SETBP1: variants seen among roughly 807,000 people sequenced by gnomAD.
SETBP1 encodes SET-binding protein.
A neutral mutation model predicts 101.0 loss-of-function variants in SETBP1; 9 were observed. That is an observed-to-expected ratio of 0.09 (90% confidence interval 0.05 to 0.16). The LOEUF (loss-of-function observed/expected upper bound fraction) is 0.16, where lower values mean the gene tolerates loss of function less well. Among genes scored for constraint, SETBP1 ranks in the 10% least tolerant of loss-of-function variants. The pLI is 1.00. For missense variants in SETBP1, 1,858 were observed against 2,033.8 expected, an observed-to-expected ratio of 0.91 and a Z score of 1.66; for synonymous variants, 818 against 788.5, an observed-to-expected ratio of 1.04 and a Z score of -0.63.
At chr18:44,798,629 C>G (rs182797164) in intron 2 of SETBP1, among the ~76,000 whole-genome samples, 32 of 152,278 alleles carry the variant, frequency 2.1e-4, no homozygotes, top group Admixed American at 1.8e-3. Flanking sequence ...TTTCCGGCAA[C>G]AGGGGCTTTC....
chr18:44,895,596 T>C (rs924833341), intron 3 of SETBP1, among the ~76,000 whole-genome samples: 1 of 152,058 alleles, frequency 6.6e-6, no homozygotes, highest in Non-Finnish European at 1.5e-5. Flanking sequence ...GAGCAGGAAG[T>C]TGGACTCACA....
chr18:44,779,910 G>A lies in SETBP1; in HGVS notation c.486+78078G>A, dbSNP rs577375169. Among the ~76,000 whole-genome samples the A allele has an allele frequency of 9.6e-4, 145 of 150,620 alleles. 1 individual carries two copies. The highest frequency in any genetic ancestry group is 3.3e-3 in the African/African-American group (135 of 40,996). On this transcript the variant is annotated intron_variant, in intron 2 of 5. Coordinates refer to ENST00000649279, the MANE Select transcript of SETBP1 (RefSeq NM_015559.3). ...CTAATAAAGTTTAAATTGCAGCCCC[G>A]AACACACACACACACACACGCACGC...
At position 44,747,702 on chromosome 18, in the gene SETBP1, G is replaced by A. The variant is rs148621913; in HGVS notation, c.486+45870G>A. 1.1e-4 allele frequency among the ~76,000 whole-genome samples: 17 copies of A among 152,378 alleles called. No individual in the cohort carries two copies. The East Asian group carries it at 3.3e-3, about 29-fold the overall frequency. ...TCAGTTATTCAGAATGTTAAGAGGTGTTAGAGGTCAAAAAAATTCTCTGAG... is the reference window on the plus strand; with the variant it reads ...TCAGTTATTCAGAATGTTAAGAGGTATTAGAGGTCAAAAAAATTCTCTGAG... On this transcript the variant is annotated intron_variant, in intron 2 of 5. Transcript: ENST00000649279.
chr18:44,757,491 C>T (rs2070525231), intron 2 of SETBP1, among the ~76,000 whole-genome samples: 1 of 152,116 alleles, frequency 6.6e-6, no homozygotes, highest in Non-Finnish European at 1.5e-5. Context: ...TTATATATGC[C>T]TGAATTTGAG....
At chr18:44,938,027 C>G (rs2071002380) in intron 3 of SETBP1, among the ~76,000 whole-genome samples, 1 of 152,218 alleles carries the variant, frequency 6.6e-6, no homozygotes, top group Admixed American at 6.5e-5. Flanking sequence ...AAGTCCTGAT[C>G]TGTGCTGACA....
rs111696314 is a variant in SETBP1, at chr18:44,728,336, C to T, written c.486+26504C>T. Among the ~76,000 whole-genome samples the T allele has an allele frequency of 3.5e-3, 537 of 152,278 alleles. 3 individuals are homozygous for T. The highest frequency in any genetic ancestry group is 4.2e-3 in the Non-Finnish European group (287 of 68,026). On this transcript the variant is annotated intron_variant, in intron 2 of 5. Transcript: ENST00000649279. ...CATTTCCCTGGACATGATCACGTCTCCCTGTGCTAAGTTTATTTGCAATCT... is the reference window on the plus strand; with the variant it reads ...CATTTCCCTGGACATGATCACGTCTTCCTGTGCTAAGTTTATTTGCAATCT...
At position 44,952,331 on chromosome 18, in the gene SETBP1, A is replaced by C; in HGVS notation, c.2991A>C (p.Pro997=). ...ATTTTGATCACTATTACCCGGTGCC[A>C]TATATCCAGTATGACCCGTTGCTCT... ...RINFDHYYPV[P]YIQYDPLLYL... Residue 997 remains proline (P), a synonymous_variant, in exon 4 of 6, where the codon CCA becomes CCC. Coordinates refer to ENST00000649279, the MANE Select transcript of SETBP1 (RefSeq NM_015559.3). 1 of 1,614,128 alleles carries C rather than the reference A, an allele frequency of 6.2e-7. No individual in the cohort carries two copies. Among genetic ancestry groups the C allele is most frequent in the Non-Finnish European group, 8.5e-7 (1 of 1,180,028 alleles).
rs562653670 is a variant in SETBP1 at position 44,840,602 on chromosome 18, A to T, written c.487-28628A>T. Among the ~76,000 whole-genome samples, 8 of 152,350 alleles carry T rather than the reference A, an allele frequency of 5.3e-5. No individual in the cohort carries two copies. In the South Asian group the frequency reaches 1.7e-3, roughly 32 times the overall value. On this transcript the variant is annotated intron_variant, in intron 2 of 5. Transcript: ENST00000649279. Reference sequence around the variant, plus strand: ...AGATTTCACCAGCTGGAGTAAAGAAACTGTCTTTGGCTCTCCTGGACAGTG... The same window carrying T: ...AGATTTCACCAGCTGGAGTAAAGAATCTGTCTTTGGCTCTCCTGGACAGTG...
intron 5 of SETBP1, among the ~76,000 whole-genome samples, chr18:45,060,988 G>T (rs1283121716): frequency 4.6e-5 from 7 of 152,054 alleles, no homozygotes; most frequent in Admixed American, 4.6e-4. Context: ...ATTCTTTCAT[G>T]CTATTTTATA....
chr18:44,750,130 A>G (rs927351893), intron 2 of SETBP1, among the ~76,000 whole-genome samples: 4 of 152,252 alleles, frequency 2.6e-5, no homozygotes, highest in Admixed American at 6.5e-5. Context: ...TGATAGGAGA[A>G]GTAAAATACT....
At chr18:44,898,820 G>A (rs541961169) in intron 3 of SETBP1, among the ~76,000 whole-genome samples, 2 of 152,196 alleles carry the variant, frequency 1.3e-5, no homozygotes, top group Non-Finnish European at 2.9e-5. Flanking sequence ...TGTAATTAAA[G>A]GAAGTGATTG....
At chr18:44,813,626 A>G (rs564895433) in intron 2 of SETBP1, among the ~76,000 whole-genome samples, 1 of 152,342 alleles carries the variant, frequency 6.6e-6, no homozygotes, top group African/African-American at 2.4e-5. Flanking sequence ...TTTTGCCATC[A>G]TTAAAAAGGG....
intron 2 of SETBP1, among the ~76,000 whole-genome samples, chr18:44,809,678 C>T (rs1194606219): frequency 6.6e-6 from 1 of 152,080 alleles, no homozygotes; most frequent in Non-Finnish European, 1.5e-5. Flanking sequence ...TCATTGGCCA[C>T]AGCTCATTAC....
intron 3 of SETBP1, among the ~76,000 whole-genome samples, chr18:44,931,462 G>A (rs955324134): frequency 6.6e-6 from 1 of 152,140 alleles, no homozygotes; most frequent in African/African-American, 2.4e-5. Flanking sequence ...GGTCCACTTG[G>A]TGCAGAGCTG....
chr18:44,945,439 C>A (rs1325552557), intron 3 of SETBP1, among the ~76,000 whole-genome samples: 2 of 152,150 alleles, frequency 1.3e-5, no homozygotes, highest in Non-Finnish European at 2.9e-5. Context: ...ACAAATCTGC[C>A]TAGTGTTTTC....
At chr18:44,730,837 C>T (rs937448526) in intron 2 of SETBP1, among the ~76,000 whole-genome samples, 1 of 152,206 alleles carries the variant, frequency 6.6e-6, no homozygotes, top group Non-Finnish European at 1.5e-5. Context: ...TAATTATCTA[C>T]TGCTGTGTAA....
intron 2 of SETBP1, among the ~76,000 whole-genome samples, chr18:44,739,759 G>T (rs1405280327): frequency 6.6e-6 from 1 of 152,176 alleles, no homozygotes; most frequent in Non-Finnish European, 1.5e-5. Context: ...AGTATACTGG[G>T]TTATCATCCA....
intron 2 of SETBP1, among the ~76,000 whole-genome samples, chr18:44,783,784 G>T (rs540922428): frequency 6.6e-6 from 1 of 152,342 alleles, no homozygotes. Context: ...ACTTGTCCAA[G>T]ATTGAAAAAC....
intron 3 of SETBP1, among the ~76,000 whole-genome samples, chr18:44,933,008 C>A (rs529169340): frequency 4.5e-4 from 68 of 152,356 alleles, no homozygotes; most frequent in African/African-American, 1.6e-3. Flanking sequence ...AGCTGCATTC[C>A]TTTGGAGGAG....
Sources: allele counts gnomAD v4.1 joint callset (sites outside exome capture counted in the v4.1 genomes callset), GRCh38; gene constraint gnomAD v4.1.1; transcripts MANE v1.5; gene names NCBI Gene and HGNC (gene_info 2026-07-23, HGNC 2026-07-21).